The following AUTS2 variants were observed in gnomAD, a reference collection of about 807,000 sequenced individuals.
The protein encoded by AUTS2 is activator of transcription and developmental regulator AUTS2.
A neutral mutation model predicts 112.4 loss-of-function variants in AUTS2; 17 were observed. The ratio of observed to expected loss-of-function variants is 0.15; its 90% CI spans 0.10 to 0.23. The LOEUF is 0.23. AUTS2 is among the 10% of genes least tolerant of loss of function. The probability of loss-of-function intolerance (pLI) is 1.00; values close to 1 mark genes in which losing one functional copy is unlikely to be tolerated. For missense variants in AUTS2, 1,510 were observed against 1,701.6 expected (o/e 0.89, Z 1.98); for synonymous variants, 751 against 702.7 (o/e 1.07, Z -1.09).
chr7:70,659,509 G>C (rs1375788097), intron 5 of AUTS2, among the ~76,000 whole-genome samples: 1 of 152,174 alleles, frequency 6.6e-6, no homozygotes, highest in East Asian at 1.9e-4. Context: ...CCCCGGGCAT[G>C]TTAACTGAGC....
chr7:69,741,223 G>A (rs1384676063), intron 1 of AUTS2, among the ~76,000 whole-genome samples: 1 of 152,160 alleles, frequency 6.6e-6, no homozygotes, highest in Non-Finnish European at 1.5e-5. Flanking sequence ...ATGCAATGTG[G>A]TGGTATTCTT....
At chr7:69,716,230 TTGTGTGTGTGTGTC>T (rs1562832002) in intron 1 of AUTS2, among the ~76,000 whole-genome samples, 1 of 151,290 alleles carries the variant, frequency 6.6e-6, no homozygotes, top group Non-Finnish European at 1.5e-5. Flanking sequence ...GTGTGTGTGT[TTGTGTGTGTGTGTC>T]TGTGTGTGTG....
At chr7:70,413,664 T>C (rs1794870262) in intron 4 of AUTS2, among the ~76,000 whole-genome samples, 1 of 148,342 alleles carries the variant, frequency 6.7e-6, no homozygotes, top group Admixed American at 6.7e-5. Context: ...CAATTTCTTT[T>C]CTTGTTTTGT....
chr7:69,855,783 A>C (rs942634499), intron 1 of AUTS2, among the ~76,000 whole-genome samples: 65 of 152,190 alleles, frequency 4.3e-4, no homozygotes, highest in Non-Finnish European at 1.0e-4. Context: ...TAAAGAACAA[A>C]CAAGGGGCTA....
intron 2 of AUTS2, among the ~76,000 whole-genome samples, chr7:70,039,075 A>C (rs1321190066): frequency 6.6e-6 from 1 of 151,816 alleles, no homozygotes; most frequent in African/African-American, 2.4e-5. Flanking sequence ...CTTATTTTTC[A>C]AGAGGAGTTA....
chr7:70,621,317 T>C (rs1335890391), intron 5 of AUTS2, among the ~76,000 whole-genome samples: 1 of 152,150 alleles, frequency 6.6e-6, no homozygotes, highest in Non-Finnish European at 1.5e-5. Flanking sequence ...GGGGGCAGGG[T>C]GGGGGGTTCT....
At chr7:70,718,260 G>A (rs945195195) in intron 6 of AUTS2, among the ~76,000 whole-genome samples, 5 of 152,050 alleles carry the variant, frequency 3.3e-5, no homozygotes, top group Non-Finnish European at 5.9e-5. Flanking sequence ...TTCCCCGGCC[G>A]GCCTCCATCC....
chr7:70,470,356 A>G (rs1183289883), intron 5 of AUTS2, among the ~76,000 whole-genome samples: 1 of 152,214 alleles, frequency 6.6e-6, no homozygotes, highest in African/African-American at 2.4e-5. Flanking sequence ...CTCAAAACCC[A>G]GGAGATGTGG....
chr7:69,709,492 A>G (rs1798219664), intron 1 of AUTS2, among the ~76,000 whole-genome samples: 1 of 152,188 alleles, frequency 6.6e-6, no homozygotes, highest in Non-Finnish European at 1.5e-5. Flanking sequence ...GTGTTGAAAA[A>G]GGCACACCTG....
chr7:69,813,316 T>TGGGGAGGTC (rs1272477652), intron 1 of AUTS2, among the ~76,000 whole-genome samples: 1 of 152,186 alleles, frequency 6.6e-6, no homozygotes, highest in Admixed American at 6.5e-5. Context: ...CACCTGTATT[T>TGGGGAGGTC]CTATTGCTGG....
chr7:70,668,400 A>C (rs952569098), intron 5 of AUTS2, among the ~76,000 whole-genome samples: 30 of 152,236 alleles, frequency 2.0e-4, no homozygotes, highest in African/African-American at 7.2e-4. Flanking sequence ...GATTCAGCTC[A>C]TCAAATGTGA....
intron 4 of AUTS2, among the ~76,000 whole-genome samples, chr7:70,258,908 C>A (rs1287788287): frequency 8.5e-5 from 13 of 152,102 alleles, no homozygotes; most frequent in Admixed American, 7.9e-4. Context: ...GGCAAGGCAG[C>A]CCCAAAAGGA....
At chr7:70,657,464 G>A (rs1291029870) in intron 5 of AUTS2, among the ~76,000 whole-genome samples, 4 of 152,188 alleles carry the variant, frequency 2.6e-5, no homozygotes, top group African/African-American at 9.6e-5. Flanking sequence ...CTGAAAAACA[G>A]AGAGAGAGCT....
intron 1 of AUTS2, among the ~76,000 whole-genome samples, chr7:69,799,074 A>G (rs762061110): frequency 4.7e-5 from 7 of 149,544 alleles, no homozygotes; most frequent in African/African-American, 7.4e-5. Context: ...TAAGTATGGT[A>G]TTTTTTTTTT....
At chr7:70,425,804 A>T (rs2130751283) in intron 4 of AUTS2, among the ~76,000 whole-genome samples, 1 of 152,362 alleles carries the variant, frequency 6.6e-6, no homozygotes, top group African/African-American at 2.4e-5. Context: ...TGGCTCATGT[A>T]TGCTTTTTAA....
chr7:70,382,931 A>G (rs1300764580), intron 4 of AUTS2, among the ~76,000 whole-genome samples: 5 of 152,180 alleles, frequency 3.3e-5, no homozygotes, highest in Admixed American at 3.3e-4. Flanking sequence ...TATCACCCAG[A>G]GATATCTGGT....
chr7:70,163,368 A>AG (rs1808217213), intron 4 of AUTS2, among the ~76,000 whole-genome samples: 1 of 6,112 alleles, frequency 1.6e-4, no homozygotes, highest in African/African-American at 5.3e-4. Context: ...GCAGAGGGGG[A>AG]GGGAGAAGGA....
chr7:70,768,668 A>G lies in AUTS2; in HGVS notation c.1734+600A>G, dbSNP rs553068270. Reference sequence around the variant, plus strand: ...TTTAAACTCATTCTCCTTTATTTAAAAAAAATAAAAAAAACTTGTTTTATG... The same window carrying G: ...TTTAAACTCATTCTCCTTTATTTAAGAAAAATAAAAAAAACTTGTTTTATG... On this transcript the variant is annotated intron_variant, in intron 10 of 18. Coordinates refer to ENST00000342771, the MANE Select transcript of AUTS2 (RefSeq NM_015570.4). 1.7e-4 allele frequency among the ~76,000 whole-genome samples: 26 copies of G among 152,188 alleles called. 1 individual carries two copies. The South Asian group carries it at 5.4e-3, about 32-fold the overall frequency.
At chr7:70,636,525 G>A (rs1805541845) in intron 5 of AUTS2, among the ~76,000 whole-genome samples, 1 of 152,244 alleles carries the variant, frequency 6.6e-6, no homozygotes, top group African/African-American at 2.4e-5. Context: ...TACATTTTGT[G>A]GGACCTTAGA....
Sources: allele counts gnomAD v4.1 joint callset (sites outside exome capture counted in the v4.1 genomes callset), GRCh38; gene constraint gnomAD v4.1.1; transcripts MANE v1.5; gene names NCBI Gene and HGNC (gene_info 2026-07-23, HGNC 2026-07-21).